The following ANKRD30A variants were observed in gnomAD, a reference collection of about 807,000 sequenced individuals.
ANKRD30A encodes the protein ankyrin repeat domain-containing protein 30A.
A neutral mutation model predicts 166.3 loss-of-function variants in ANKRD30A; 170 were observed. The ratio of observed to expected loss-of-function variants is 1.02; its 90% CI spans 0.90 to 1.16. The LOEUF (loss-of-function observed/expected upper bound fraction) is 1.16, where lower values mean the gene tolerates loss of function less well. Ranked by LOEUF, ANKRD30A falls within the 50% of genes most tolerant of loss-of-function variation. The probability of loss-of-function intolerance (pLI) is 0.00; values close to 1 mark genes in which losing one functional copy is unlikely to be tolerated. For synonymous variants in ANKRD30A, 564 were observed against 508.9 expected (o/e 1.11, Z -1.46); for missense variants, 1,630 against 1,518.0 (o/e 1.07, Z -1.23).
chr10:37,214,083 T>G (rs1202055093), intron 31 of ANKRD30A, among the ~76,000 whole-genome samples: 2 of 151,662 alleles, frequency 1.3e-5, no homozygotes. Flanking sequence ...TTTTGAAGGA[T>G]TTATGTTATT....
At chr10:37,171,443 C>T (rs1839555209) in intron 21 of ANKRD30A, among the ~76,000 whole-genome samples, 5 of 150,320 alleles carry the variant, frequency 3.3e-5, no homozygotes, top group African/African-American at 1.2e-4. Flanking sequence ...ACTCATTAAC[C>T]ATGAAAATTA....
intron 5 of ANKRD30A, among the ~76,000 whole-genome samples, chr10:37,136,401 G>T (rs1435626534): frequency 6.6e-6 from 1 of 152,122 alleles, no homozygotes; most frequent in Non-Finnish European, 1.5e-5. Context: ...AAATGCATGA[G>T]TATTTCATCT....
At chr10:37,249,238 C>A in the ANKRD30A span, among the ~76,000 whole-genome samples, 1 of 152,160 alleles carries the variant, frequency 6.6e-6, no homozygotes, top group Non-Finnish European at 1.5e-5. Flanking sequence ...AGAAGAGATT[C>A]TTATTGTTTC....
At chr10:37,197,658 A>AT (rs530407683) in intron 29 of ANKRD30A, among the ~76,000 whole-genome samples, 178 bp downstream of exon 29, 16 of 152,028 alleles carry the variant, frequency 1.1e-4, no homozygotes, top group East Asian at 5.8e-4. Flanking sequence ...AATTTTCAAT[A>AT]TTTTTTTTAA....
chr10:37,152,210 C>T, intron 12 of ANKRD30A, 89 bp downstream of exon 12: 1 of 1,076,614 alleles, frequency 9.3e-7, no homozygotes, highest in Non-Finnish European at 1.4e-6. Context: ...TTTCTCGCCT[C>T]TTCATATGTC....
At position 37,219,582 on chromosome 10, in the gene ANKRD30A, A is replaced by G. The variant is rs1842785406; in HGVS notation, c.3870A>G (p.Glu1290=). The part of the protein sequence containing the change: ...VSEHAQRDQR[E]TQCQMKEAEH... ...AACATGCACAAAGAGACCAACGTGA[A>G]ACACAGTGTCAAATGAAGGAAGCTG... Residue 1290 remains glutamate, a synonymous_variant, in exon 34 of 36, where the codon GAA becomes GAG. Transcript: ENST00000361713. 6.2e-7 allele frequency: 1 copy of G among 1,610,288 alleles called. No homozygotes were observed. The highest frequency in any genetic ancestry group is 8.5e-7 in the Non-Finnish European group (1 of 1,177,714).
chr10:37,154,251 T>TTTTAAA (rs1564497182), intron 13 of ANKRD30A, among the ~76,000 whole-genome samples: 1 of 152,322 alleles, frequency 6.6e-6, no homozygotes, highest in East Asian at 1.9e-4. Flanking sequence ...ATGTATATAA[T>TTTTAAA]TTGTCATATA....
At chr10:37,265,875 A>C in the ANKRD30A span, among the ~76,000 whole-genome samples, 32 of 151,920 alleles carry the variant, frequency 2.1e-4, no homozygotes, top group African/African-American at 6.3e-4. Context: ...AAGTAAACAA[A>C]CCCCCCTGGG....
intron 31 of ANKRD30A, among the ~76,000 whole-genome samples, chr10:37,204,609 T>C (rs1841868621): frequency 6.6e-6 from 1 of 152,118 alleles, no homozygotes; most frequent in South Asian, 2.1e-4. Flanking sequence ...AAAGCCAAAA[T>C]TGACAAATGG....
the ANKRD30A span, chr10:37,242,192 T>C: frequency 9.2e-5 from 14 of 152,220 alleles, no homozygotes; most frequent in Non-Finnish European, 1.6e-4. Flanking sequence ...CTTTAGAAGA[T>C]AAAGTTTAGT....
chr10:37,254,109 A>G, the ANKRD30A span, among the ~76,000 whole-genome samples: 2 of 152,260 alleles, frequency 1.3e-5, no homozygotes, highest in Admixed American at 6.5e-5. Context: ...GCTACTGTGA[A>G]TAATGAAAAA....
intron 4 of ANKRD30A, among the ~76,000 whole-genome samples, chr10:37,132,554 C>G (rs777330158): frequency 6.6e-6 from 1 of 152,074 alleles, no homozygotes; most frequent in Non-Finnish European, 1.5e-5. Flanking sequence ...TTGACTGATT[C>G]CTATGTGTAA....
At chr10:37,244,580 G>A in the ANKRD30A span, among the ~76,000 whole-genome samples, 45 of 152,300 alleles carry the variant, frequency 3.0e-4, no homozygotes, top group South Asian at 4.1e-4. Flanking sequence ...GCCCTTAGGC[G>A]AGTACTCACT....
chr10:37,150,240 T>C (rs1397906259), intron 11 of ANKRD30A, among the ~76,000 whole-genome samples: 6 of 152,076 alleles, frequency 3.9e-5, no homozygotes, highest in African/African-American at 1.4e-4. Context: ...TGTGTTTTAA[T>C]ATTAATTACC....
chr10:37,239,949 G>A, the ANKRD30A span, among the ~76,000 whole-genome samples: 1 of 152,092 alleles, frequency 6.6e-6, no homozygotes, highest in South Asian at 2.1e-4. Flanking sequence ...AATGCAGCAG[G>A]AGTGGCAGAA....
rs375945698 is a variant in ANKRD30A at position 37,216,378 on chromosome 10, G to C, written c.3067G>C (p.Glu1023Gln). The C allele has an allele frequency of 2.5e-6, 4 of 1,603,452 alleles. No individual in the cohort carries two copies. The highest frequency in any genetic ancestry group is 3.4e-6 in the Non-Finnish European group (4 of 1,174,684). The change falls in exon 32 of 36, where the codon GAG (glutamate) becomes CAG (glutamine). Residue 1023 changes from glutamate to glutamine, a missense_variant. Around this residue, in one of 4 missense-constraint regions of ANKRD30A, gnomAD observed 712 missense variants for 629.3 expected, o/e 1.13. Transcript: ENST00000361713. ...GAACCAAAAAGTTAAATGGGAACAA[G>C]AGCTCTGCAGTGTGAGGTGTGATTT... ...LENQKVKWEQ[E>Q]LCSVRLTLNQ...
the ANKRD30A span, among the ~76,000 whole-genome samples, chr10:37,242,590 T>C: frequency 6.6e-6 from 1 of 152,210 alleles, no homozygotes; most frequent in Non-Finnish European, 1.5e-5. Context: ...TTTGGAGAAA[T>C]GTTCAGCTTT....
At chr10:37,242,122 T>C in the ANKRD30A span, 1 of 152,246 alleles carries the variant, frequency 6.6e-6, no homozygotes, top group African/African-American at 2.4e-5. Flanking sequence ...ATTTAGCTTC[T>C]GTATCTCTTA....
chr10:37,132,128 T>C (rs1836414765), intron 3 of ANKRD30A, 112 bp from the exon 4 acceptor site: 3 of 668,092 alleles, frequency 4.5e-6, no homozygotes, highest in Non-Finnish European at 7.0e-6. Context: ...GGACTGCTAT[T>C]GATTTACTTT....
Sources: gnomAD v4.1 joint callset for allele counts (sites outside exome capture counted in the v4.1 genomes callset) on GRCh38, gnomAD v4.1.1 for gene constraint, gnomAD v4.1.1 regional missense constraint, MANE v1.5 for transcripts, NCBI Gene and HGNC (gene_info 2026-07-23, HGNC 2026-07-21) for gene names.